Variants in PDE4D observed in about 807,000 individuals in gnomAD.
PDE4D encodes the protein phosphodiesterase 4D, also known as 3',5'-cyclic-AMP phosphodiesterase 4D.
Under a neutral mutation model 87.4 loss-of-function variants are expected in PDE4D, and 24 were observed. That is an observed-to-expected ratio of 0.27 (90% confidence interval 0.20 to 0.39). The LOEUF is 0.39. Among genes scored for constraint, PDE4D ranks in the 10% least tolerant of loss-of-function variants. The pLI, the probability that PDE4D is intolerant of heterozygous loss-of-function variation, is 1.00. For missense variants in PDE4D, 714 were observed against 1,041.0 expected (o/e 0.69, Z 4.32); for synonymous variants, 384 against 383.2 (o/e 1.00, Z -0.02).
intron 5 of PDE4D, among the ~76,000 whole-genome samples, chr5:59,133,614 AG>A (rs1404764672): frequency 2.6e-5 from 4 of 152,180 alleles, no homozygotes; most frequent in African/African-American, 9.7e-5. Context: ...TGGCCTCCCC[AG>A]GTCAGCTCTG....
chr5:59,764,267 T>C (rs1762509312), intron 1 of PDE4D, among the ~76,000 whole-genome samples: 1 of 151,828 alleles, frequency 6.6e-6, no homozygotes, highest in Admixed American at 6.6e-5. Flanking sequence ...GAGTACATAA[T>C]AAAAAAAATA....
In PDE4D at chr5:59,189,671, A is replaced by C. The variant is rs1330609319; in HGVS notation, c.684+3829T>G. ...CCCAAGAACTCTGGCCAAGAAAAAA[A>C]GGTCAGTTGCCGCGTGCACTCCAGT... On this transcript the variant is annotated intron_variant, in intron 3 of 14. Coordinates refer to ENST00000340635, the MANE Select transcript of PDE4D (RefSeq NM_001104631.2). 2.0e-5 allele frequency among the ~76,000 whole-genome samples: 3 copies of C among 152,172 alleles called. No individual in the cohort carries two copies. The East Asian group carries it at 5.8e-4, about 29-fold the overall frequency.
chr5:60,402,843 T>C lies in PDE4D; in HGVS notation c.-90+85099A>G, dbSNP rs111649209. ...CTGTTCCTTCATGGTATGTCCCTTA[T>C]GCTCTTATTATCAGGCACCCTGTAA... On this transcript the variant is annotated intron_variant, in intron 1 of 16. Transcript: ENST00000502484. Among the ~76,000 whole-genome samples, 845 of 152,316 alleles carry C rather than the reference T, an allele frequency of 5.5e-3. 11 individuals are homozygous for C. Among genetic ancestry groups the C allele is most frequent in the African/African-American group, 0.02 (820 of 41,568 alleles).
At chr5:59,338,261 A>C (rs372268124) in intron 1 of PDE4D, among the ~76,000 whole-genome samples, 9 of 152,308 alleles carry the variant, frequency 5.9e-5, no homozygotes, top group African/African-American at 2.2e-4. Flanking sequence ...TAGAGGCAAA[A>C]GTGGGATCTC....
At chr5:60,407,570 C>T (rs1190215438) in intron 1 of PDE4D, among the ~76,000 whole-genome samples, 2 of 148,284 alleles carry the variant, frequency 1.3e-5, no homozygotes, top group East Asian at 4.0e-4. Flanking sequence ...TCTCCTGCCT[C>T]GGCCTCTGAG....
chr5:59,071,544 G>GTTT lies in PDE4D; in HGVS notation c.809-32576_809-32574dup, dbSNP rs11401918. Among the ~76,000 whole-genome samples the GTTT allele has an allele frequency of 3.4e-3, 481 of 140,646 alleles. 2 individuals are homozygous for GTTT. The highest frequency in any genetic ancestry group is 9.9e-3 in the African/African-American group (388 of 39,200). 92.3% of individuals were successfully genotyped at this position (140,646 alleles called of 152,430 possible). A position where few individuals can be genotyped will look rare whatever the true frequency, so the allele number is the denominator to read the frequency against. ...GAGCTCTTTTCCTATTCTCTGAGTT[G>GTTT]TTTTTTTTTTTTCCATAGCATCTGC... On this transcript the variant is annotated intron_variant, in intron 5 of 14. Transcript: ENST00000340635.
At chr5:60,194,635 G>A (rs148673522) in intron 1 of PDE4D, among the ~76,000 whole-genome samples, 1 of 151,654 alleles carries the variant, frequency 6.6e-6, no homozygotes, top group African/African-American at 2.4e-5. Flanking sequence ...CACCACTTTT[G>A]ATTGGCACTT....
intron 1 of PDE4D, among the ~76,000 whole-genome samples, chr5:59,860,942 T>A (rs2152727574): frequency 6.6e-6 from 1 of 152,154 alleles, no homozygotes; most frequent in Admixed American, 6.5e-5. Context: ...CACTGCAACC[T>A]CTGCCTCCCG....
chr5:60,216,423 C>T (rs1743855776), intron 1 of PDE4D, among the ~76,000 whole-genome samples: 1 of 152,062 alleles, frequency 6.6e-6, no homozygotes, highest in Non-Finnish European at 1.5e-5. Context: ...GAGGAAATTG[C>T]TTCCTTCTTT....
At chr5:60,437,106 C>T (rs1182949371) in intron 1 of PDE4D, among the ~76,000 whole-genome samples, 1 of 152,044 alleles carries the variant, frequency 6.6e-6, no homozygotes, top group Admixed American at 6.6e-5. Context: ...ATCATTTCCT[C>T]ATCTTCAACA....
intron 1 of PDE4D, among the ~76,000 whole-genome samples, chr5:60,191,336 A>G (rs1349746721): frequency 2.0e-5 from 3 of 152,152 alleles, no homozygotes; most frequent in Non-Finnish European, 4.4e-5. Context: ...CCCACGTGAC[A>G]AGGGAGAAAC....
intron 5 of PDE4D, among the ~76,000 whole-genome samples, chr5:59,043,098 G>A (rs935842932): frequency 6.6e-6 from 1 of 152,128 alleles, no homozygotes; most frequent in Non-Finnish European, 1.5e-5. Context: ...TTGAAGGTCT[G>A]CTAAAGGACT....
chr5:60,089,403 C>G (rs1230380677), intron 2 of PDE4D, among the ~76,000 whole-genome samples: 1 of 151,684 alleles, frequency 6.6e-6, no homozygotes. Flanking sequence ...GGAAACTGTA[C>G]AAATCCATGG....
chr5:59,022,874 A>G (rs1288959684), intron 6 of PDE4D, among the ~76,000 whole-genome samples: 1 of 152,214 alleles, frequency 6.6e-6, no homozygotes, highest in Non-Finnish European at 1.5e-5. Flanking sequence ...ATTTGGATAT[A>G]TTTTGAAAAT....
At chr5:60,390,032 A>G (rs1207149088) in intron 1 of PDE4D, among the ~76,000 whole-genome samples, 1 of 152,188 alleles carries the variant, frequency 6.6e-6, no homozygotes, top group Non-Finnish European at 1.5e-5. Flanking sequence ...ACCAAGCTCT[A>G]GCATCCCTCC....
At chr5:59,142,810 G>A (rs189866052) in intron 5 of PDE4D, among the ~76,000 whole-genome samples, 20 of 152,230 alleles carry the variant, frequency 1.3e-4, no homozygotes, top group Middle Eastern at 3.4e-3. Flanking sequence ...CCAGCTACTC[G>A]GGAGGCTGAG....
chr5:60,192,334 G>A (rs1024695962), intron 1 of PDE4D, among the ~76,000 whole-genome samples: 2 of 152,052 alleles, frequency 1.3e-5, no homozygotes, highest in African/African-American at 4.8e-5. Flanking sequence ...ATATATTGCT[G>A]ATCAACTTTC....
At chr5:59,098,279 T>C (rs925145078) in intron 5 of PDE4D, among the ~76,000 whole-genome samples, 5 of 152,188 alleles carry the variant, frequency 3.3e-5, no homozygotes, top group African/African-American at 1.2e-4. Context: ...TCTCCAATAC[T>C]GCAAAGAGAA....
At chr5:59,629,425 G>A (rs1392856004) in intron 1 of PDE4D, among the ~76,000 whole-genome samples, 1 of 152,080 alleles carries the variant, frequency 6.6e-6, no homozygotes, top group Admixed American at 6.6e-5. Context: ...ACAGAGAGAA[G>A]ACAAAGAGAA....
Sources: allele counts gnomAD v4.1 joint callset (sites outside exome capture counted in the v4.1 genomes callset), GRCh38; gene constraint gnomAD v4.1.1; transcripts MANE v1.5; gene names NCBI Gene and HGNC (gene_info 2026-07-23, HGNC 2026-07-21).